Variants in TTBK2 observed in about 807,000 individuals in gnomAD.
TTBK2 encodes the protein tau tubulin kinase 2.
In TTBK2, 28 loss-of-function variants were observed where a neutral mutation model predicts 110.8. The observed-to-expected ratio is 0.25, with a 90% CI of 0.19 to 0.35. The LOEUF is 0.35. TTBK2 is among the 10% of genes least tolerant of loss of function. The pLI is 1.00. For missense variants in TTBK2, 1,369 were observed against 1,500.3 expected, an observed-to-expected ratio of 0.91 and a Z score of 1.45; for synonymous variants, 532 against 527.3, an observed-to-expected ratio of 1.01 and a Z score of -0.12.
intron 9 of TTBK2, among the ~76,000 whole-genome samples, chr15:42,800,074 G>A (rs1891120718): frequency 6.6e-6 from 1 of 151,864 alleles, no homozygotes; most frequent in African/African-American, 2.4e-5. Context: ...ACTCCAGCCT[G>A]GGTGACAGAG....
At chr15:42,878,306 T>C (rs932622019) in intron 2 of TTBK2, among the ~76,000 whole-genome samples, 2 of 152,106 alleles carry the variant, frequency 1.3e-5, no homozygotes, top group African/African-American at 4.8e-5. Flanking sequence ...TCAAACACTG[T>C]ATTTTTTTCA....
intron 4 of TTBK2, among the ~76,000 whole-genome samples, chr15:42,830,712 AAT>A (rs1892722166): frequency 6.6e-6 from 1 of 151,770 alleles, no homozygotes. Flanking sequence ...ATTTATTTAA[AAT>A]ATGTGATCAG....
Position 42,775,647 on chromosome 15 carries a change from G to A in TTBK2, c.1486C>T (p.Pro496Ser), listed in dbSNP as rs963464682. 1.9e-6 allele frequency: 3 copies of A among 1,613,066 alleles called. No individual in the cohort carries two copies. The highest frequency in any genetic ancestry group is 1.7e-5 in the Admixed American group (1 of 59,918). Reference sequence around the variant, plus strand: ...ATGTGGTCAGTACGGGACACAGCAGGAACGCAAGGCTTATGCAGCAGAGCA... The same window carrying A: ...ATGTGGTCAGTACGGGACACAGCAGAAACGCAAGGCTTATGCAGCAGAGCA... ...LPALLHKPCV[P>S]AVSRTDHIWH... is the part of the protein sequence containing the mutation. Residue 496 changes from proline to serine, a missense_variant, in exon 13 of 15, where the codon CCT becomes TCT. Pro to Ser is a moderately conservative substitution (Grantham distance 74, BLOSUM62 -1). This residue lies in a region of TTBK2 where 1,097 missense variants were observed against 1,114.7 expected (regional missense o/e 0.98). Coordinates refer to ENST00000267890, the MANE Select transcript of TTBK2 (RefSeq NM_173500.4).
intron 3 of TTBK2, among the ~76,000 whole-genome samples, chr15:42,856,702 T>TA (rs199730368): frequency 3.3e-5 from 5 of 151,832 alleles, no homozygotes; most frequent in Admixed American, 3.3e-4. Context: ...TGTCTCTACT[T>TA]AAAAAAAAAT....
At chr15:42,789,533 A>G (rs1283842042) in intron 10 of TTBK2, among the ~76,000 whole-genome samples, 2 of 152,110 alleles carry the variant, frequency 1.3e-5, no homozygotes, top group African/African-American at 4.8e-5. Context: ...CAGGAGTTCG[A>G]GACCAGCCTG....
chr15:42,841,205 TTG>T (rs746470347), intron 3 of TTBK2, among the ~76,000 whole-genome samples: 1 of 152,124 alleles, frequency 6.6e-6, no homozygotes, highest in Non-Finnish European at 1.5e-5. Flanking sequence ...CAAAAGTTCG[TTG>T]TTATTTTTTA....
intron 7 of TTBK2, among the ~76,000 whole-genome samples, chr15:42,816,626 C>T (rs536626530): frequency 1.3e-5 from 2 of 152,236 alleles, no homozygotes; most frequent in East Asian, 3.9e-4. Flanking sequence ...GGATCCTCAA[C>T]TCTCAAGCAC....
intron 2 of TTBK2, among the ~76,000 whole-genome samples, chr15:42,876,619 G>T (rs1470957721): frequency 6.6e-6 from 1 of 152,080 alleles, no homozygotes; most frequent in Non-Finnish European, 1.5e-5. Context: ...TTTCTAAAGG[G>T]TCTTCTTTTT....
At chr15:42,811,923 T>C (rs1322777455) in intron 7 of TTBK2, 143 bp from the exon 8 acceptor site, 3 of 489,132 alleles carry the variant, frequency 6.1e-6, no homozygotes, top group Admixed American at 3.7e-5. Context: ...TAAACATATA[T>C]ATATATATAA....
chr15:42,761,451 CCTT>C (rs1480757504), intron 13 of TTBK2, among the ~76,000 whole-genome samples: 2 of 151,106 alleles, frequency 1.3e-5, no homozygotes, highest in African/African-American at 2.4e-5. Flanking sequence ...CAAAGGAAAA[CCTT>C]CTTCACAGCA....
At chr15:42,883,890 A>T (rs9806161) in intron 1 of TTBK2, among the ~76,000 whole-genome samples, 9,021 of 152,110 alleles carry the variant, frequency 0.059, 841 homozygotes, top group African/African-American at 0.2. Flanking sequence ...ATAATAACAA[A>T]AATAATACTA....
rs180813501 is a variant in TTBK2 at position 42,772,942 on chromosome 15, A to G, written c.1998+2193T>C. ...CAAAACAACAACAACAACAACAACA[A>G]CAGCCCCATTACAAATCACTTCAGG... On this transcript the variant is annotated intron_variant, in intron 13 of 14. Coordinates refer to ENST00000267890, the MANE Select transcript of TTBK2 (RefSeq NM_173500.4). Among the ~76,000 whole-genome samples the G allele has an allele frequency of 1.3e-3, 199 of 152,052 alleles. 1 individual carries two copies. Among genetic ancestry groups the G allele is most frequent in the African/African-American group, 4.5e-3 (188 of 41,442 alleles).
Position 42,743,540 on chromosome 15 carries a change from C to T in TTBK2, c.*2255G>A, listed in dbSNP as rs1288058713. On this transcript the variant is annotated 3_prime_UTR_variant, in exon 15 of 15. Coordinates refer to ENST00000267890, the MANE Select transcript of TTBK2 (RefSeq NM_173500.4). ...ACAATTTCTTCATTATTCCCCCGAC[C>T]CCCTGCAAAAAAAGTGAGATGAAAA... 6.6e-6 allele frequency: 1 copy of T among 152,016 alleles called. No homozygotes were observed. Among genetic ancestry groups the T allele is most frequent in the Non-Finnish European group, 1.5e-5 (1 of 67,982 alleles). 9.4% of individuals were successfully genotyped at this position (152,016 alleles called of 1,614,324 possible).
chr15:42,887,450 G>A (rs943112022), intron 1 of TTBK2, among the ~76,000 whole-genome samples: 13 of 151,970 alleles, frequency 8.6e-5, no homozygotes, highest in African/African-American at 1.9e-4. Context: ...CCCTTACCCC[G>A]CTCAACGCCA....
intron 3 of TTBK2, among the ~76,000 whole-genome samples, chr15:42,870,143 C>T (rs1157749483): frequency 6.6e-6 from 1 of 151,774 alleles, no homozygotes. Context: ...CACTGCACTC[C>T]AGCCTGGGCA....
intron 14 of TTBK2, among the ~76,000 whole-genome samples, chr15:42,747,461 G>C (rs966245994): frequency 2.0e-5 from 3 of 152,186 alleles, no homozygotes; most frequent in African/African-American, 4.8e-5. Context: ...TTCCACGATG[G>C]GGGGAGGAGG....
intron 13 of TTBK2, among the ~76,000 whole-genome samples, chr15:42,754,835 C>T (rs2061923470): frequency 6.7e-6 from 1 of 149,602 alleles, no homozygotes; most frequent in Admixed American, 6.6e-5. Flanking sequence ...ATGGTGAAAC[C>T]CCGTCTCTAC....
chr15:42,799,690 C>T (rs1445443217), intron 9 of TTBK2, among the ~76,000 whole-genome samples: 1 of 152,136 alleles, frequency 6.6e-6, no homozygotes, highest in Non-Finnish European at 1.5e-5. Context: ...CCTGTCTCGG[C>T]CTCTCAAAGT....
At chr15:42,766,047 T>C (rs1410921264) in intron 13 of TTBK2, among the ~76,000 whole-genome samples, 2 of 152,004 alleles carry the variant, frequency 1.3e-5, no homozygotes, top group African/African-American at 4.8e-5. Context: ...AGAAATAAAA[T>C]CCTTTACAGA....
Sources: gnomAD v4.1 joint callset for allele counts (sites outside exome capture counted in the v4.1 genomes callset) on GRCh38, gnomAD v4.1.1 for gene constraint, gnomAD v4.1.1 regional missense constraint, MANE v1.5 for transcripts, NCBI Gene and HGNC (gene_info 2026-07-23, HGNC 2026-07-21) for gene names.